The following FANCB variants were observed in gnomAD, a reference collection of about 807,000 sequenced individuals.
The protein encoded by FANCB is Fanconi anemia group B protein.
Under a neutral mutation model 38.9 loss-of-function variants are expected in FANCB, and 5 were observed. The observed-to-expected ratio is 0.13, with a 90% CI of 0.07 to 0.27. The LOEUF (loss-of-function observed/expected upper bound fraction) is 0.27, where lower values mean the gene tolerates loss of function less well. Ranked by LOEUF, FANCB falls within the 10% of genes least tolerant of loss-of-function variation. The pLI is 1.00. For missense variants in FANCB, 573 were observed against 602.7 expected (o/e 0.95, Z 0.52); for synonymous variants, 236 against 215.4 (o/e 1.10, Z -0.84).
At chrX:14,863,208 A>G (rs1269430732) in intron 3 of FANCB, among the ~76,000 whole-genome samples, 1 of 112,312 alleles carries the variant, frequency 8.9e-6, no homozygotes, top group African/African-American at 3.2e-5. Context: ...AATGATTCAC[A>G]TTTAAAAATG....
At chrX:14,744,865 G>A in the FANCB span, among the ~76,000 whole-genome samples, 1 of 111,216 alleles carries the variant, frequency 9.0e-6, no homozygotes, top group African/African-American at 3.3e-5. Context: ...ATCAAGGCAG[G>A]CAAAAAGGTC....
chrX:14,807,166 T>C, the FANCB span, among the ~76,000 whole-genome samples: 1 of 112,428 alleles, frequency 8.9e-6, no homozygotes, highest in African/African-American at 3.2e-5. Context: ...AAGCTTGAGA[T>C]GTCACAATTC....
chrX:14,825,533 G>GA, the FANCB span, among the ~76,000 whole-genome samples: 2 of 111,739 alleles, frequency 1.8e-5, no homozygotes, highest in Non-Finnish European at 3.8e-5. Flanking sequence ...CAAACTTTCT[G>GA]ATTCTTATTT....
the FANCB span, among the ~76,000 whole-genome samples, chrX:14,752,042 C>A: frequency 1.8e-5 from 2 of 111,244 alleles, no homozygotes; most frequent in African/African-American, 3.3e-5. Flanking sequence ...TTCTTTTTTC[C>A]TTTGTCATTT....
intron 2 of FANCB, among the ~76,000 whole-genome samples, chrX:14,866,040 A>G (rs1329133891): frequency 2.7e-5 from 3 of 111,751 alleles, no homozygotes; most frequent in Admixed American, 1.9e-4. Flanking sequence ...ATTTTCAATT[A>G]TACTTCTCCC....
chrX:14,756,883 G>A, the FANCB span, among the ~76,000 whole-genome samples: 1 of 111,943 alleles, frequency 8.9e-6, no homozygotes, highest in Non-Finnish European at 1.9e-5. Flanking sequence ...TCATAGTGAT[G>A]GTCTCAAGTA....
the FANCB span, among the ~76,000 whole-genome samples, chrX:14,737,599 A>G: frequency 8.9e-6 from 1 of 111,893 alleles, no homozygotes; most frequent in Non-Finnish European, 1.9e-5. Context: ...TGTTTCATAG[A>G]GTTTCAAGAG....
At position 14,865,516 on chromosome X, in the gene FANCB, A is replaced by T. The variant is rs777928160; in HGVS notation, c.-6T>A. 1.0e-5 allele frequency: 12 copies of T among 1,143,987 alleles called. No homozygotes were observed. In the South Asian group the frequency reaches 2.2e-4, roughly 21 times the overall value. 94.3% of individuals were successfully genotyped at this position (1,143,987 alleles called of 1,213,427 possible). ...ATTGCTTGTTTGCTAGTCATTCCACAATATCAAGTCTTTGTGCTGATCTAA... is the reference window on the plus strand; with the variant it reads ...ATTGCTTGTTTGCTAGTCATTCCACTATATCAAGTCTTTGTGCTGATCTAA... On this transcript the variant is annotated 5_prime_UTR_variant, in exon 3 of 10. Transcript: ENST00000650831.
the FANCB span, among the ~76,000 whole-genome samples, chrX:14,797,616 A>C: frequency 9.4e-6 from 1 of 106,546 alleles, no homozygotes; most frequent in Admixed American, 1.0e-4. Flanking sequence ...TGGGAGGAGG[A>C]GGTTGCAGTG....
At chrX:14,744,686 G>T in the FANCB span, among the ~76,000 whole-genome samples, 1 of 112,163 alleles carries the variant, frequency 8.9e-6, no homozygotes, top group South Asian at 3.7e-4. Flanking sequence ...AAATGGAATT[G>T]CTTTTCTGAA....
the FANCB span, among the ~76,000 whole-genome samples, chrX:14,808,736 A>T: frequency 8.9e-6 from 1 of 112,366 alleles, no homozygotes; most frequent in Non-Finnish European, 1.9e-5. Flanking sequence ...AGATAAAGAA[A>T]CAAAGGGCAT....
chrX:14,826,666 A>T, the FANCB span, among the ~76,000 whole-genome samples: 3 of 111,764 alleles, frequency 2.7e-5, no homozygotes, highest in Non-Finnish European at 5.6e-5. Context: ...TTTTCAAGAC[A>T]TTTTCTCTGT....
At chrX:14,826,148 C>T in the FANCB span, among the ~76,000 whole-genome samples, 1 of 112,237 alleles carries the variant, frequency 8.9e-6, no homozygotes, top group South Asian at 3.6e-4. Flanking sequence ...TTGGGGCTAG[C>T]TCTCCCATTT....
chrX:14,698,255 C>T, the FANCB span, among the ~76,000 whole-genome samples: 1 of 111,610 alleles, frequency 9.0e-6, no homozygotes, highest in African/African-American at 3.3e-5. Flanking sequence ...TGGGTACCCC[C>T]TCAGATTTTG....
chrX:14,801,036 ACCGAAG>A, the FANCB span, among the ~76,000 whole-genome samples: 1 of 102,685 alleles, frequency 9.7e-6, no homozygotes, highest in Middle Eastern at 4.8e-3. Context: ...AGTAGAAATT[ACCGAAG>A]CAGAAGCAGA....
chrX:14,847,298 T>C (rs1231572200), intron 7 of FANCB, among the ~76,000 whole-genome samples: 1 of 110,981 alleles, frequency 9.0e-6, no homozygotes, highest in Non-Finnish European at 1.9e-5. Context: ...AATAAAAAAT[T>C]ACCAGGCAGA....
At chrX:14,779,247 C>A in the FANCB span, among the ~76,000 whole-genome samples, 1 of 112,586 alleles carries the variant, frequency 8.9e-6, no homozygotes, top group South Asian at 3.6e-4. Context: ...CACACAAATT[C>A]TTATCTCTGG....
chrX:14,697,317 GT>G, the FANCB span, among the ~76,000 whole-genome samples: 147 of 111,959 alleles, frequency 1.3e-3, 1 homozygote, highest in Non-Finnish European at 1.8e-3. Context: ...TAAACAAAAT[GT>G]TTTTTATTAA....
the FANCB span, among the ~76,000 whole-genome samples, chrX:14,691,328 C>T: frequency 1.1e-4 from 11 of 100,102 alleles, no homozygotes; most frequent in Admixed American, 3.2e-4. Flanking sequence ...TGTGTGTGCG[C>T]GCGTGCGTGC....
Sources: gnomAD v4.1 joint callset for allele counts (sites outside exome capture counted in the v4.1 genomes callset) on GRCh38, gnomAD v4.1.1 for gene constraint, MANE v1.5 for transcripts, NCBI Gene and HGNC (gene_info 2026-07-23, HGNC 2026-07-21) for gene names.